NCOA2: variants seen among roughly 807,000 people sequenced by gnomAD.
NCOA2 encodes nuclear receptor coactivator 2, also known as class E basic helix-loop-helix protein 75.
A neutral mutation model predicts 145.1 loss-of-function variants in NCOA2; 21 were observed. The ratio of observed to expected loss-of-function variants is 0.14; its 90% confidence interval spans 0.10 to 0.21. The LOEUF (loss-of-function observed/expected upper bound fraction) is 0.21. NCOA2 is among the 10% of genes least tolerant of loss of function. The probability of loss-of-function intolerance (pLI) is 1.00; values close to 1 mark genes in which losing one functional copy is unlikely to be tolerated. For missense variants in NCOA2, 1,472 were observed against 1,837.6 expected, an observed-to-expected ratio of 0.80 and a Z score of 3.64; for synonymous variants, 619 against 637.5, an observed-to-expected ratio of 0.97 and a Z score of 0.44.
chr8:70,217,904 A>C (rs1438168043), intron 2 of NCOA2, among the ~76,000 whole-genome samples: 1 of 152,116 alleles, frequency 6.6e-6, no homozygotes, highest in Non-Finnish European at 1.5e-5. Flanking sequence ...TCTGGCCCCC[A>C]GACTTCTAAA....
At chr8:70,321,971 A>C (rs1172211686) in intron 1 of NCOA2, among the ~76,000 whole-genome samples, 1 of 151,732 alleles carries the variant, frequency 6.6e-6, no homozygotes, top group African/African-American at 2.4e-5. Flanking sequence ...TCTACTAAAA[A>C]TACAAAAATT....
chr8:70,413,832 GT>G, the NCOA2 span, among the ~76,000 whole-genome samples: 8 of 152,180 alleles, frequency 5.3e-5, no homozygotes, highest in East Asian at 1.4e-3. Context: ...TGGGTTGTTT[GT>G]TTTGTTTTGT....
rs566136502 is a variant in NCOA2, at chr8:70,121,573, G to A, written c.4294-182C>T. ...TGTACGTATTTTGCGGAGTCTAGAGGAACATGAAAATACTCATGAAATACT... is the reference window on the plus strand; with the variant it reads ...TGTACGTATTTTGCGGAGTCTAGAGAAACATGAAAATACTCATGAAATACT... On this transcript the variant is annotated intron_variant, in intron 21 of 22. Coordinates refer to ENST00000452400, the MANE Select transcript of NCOA2 (RefSeq NM_006540.4). Among the ~76,000 whole-genome samples, 7 of 152,322 alleles carry A rather than the reference G, an allele frequency of 4.6e-5. No homozygotes were observed. The East Asian group carries it at 1.3e-3, about 29-fold the overall frequency.
chr8:70,136,704 A>C (rs1809777330), intron 15 of NCOA2, among the ~76,000 whole-genome samples: 2 of 152,184 alleles, frequency 1.3e-5, no homozygotes, highest in African/African-American at 4.8e-5. Context: ...ACGTTAAAAA[A>C]CCTGGTTCCT....
At chr8:70,292,345 G>C (rs1563730745) in intron 2 of NCOA2, among the ~76,000 whole-genome samples, 3 of 151,886 alleles carry the variant, frequency 2.0e-5, no homozygotes, top group Non-Finnish European at 4.4e-5. Context: ...TAGAGATGGG[G>C]TTTCACCATG....
intron 1 of NCOA2, among the ~76,000 whole-genome samples, chr8:70,330,729 A>G (rs563508291): frequency 2.8e-4 from 43 of 152,362 alleles, no homozygotes; most frequent in African/African-American, 1.0e-3. Flanking sequence ...CAAGTTAACA[A>G]AAAGTAACGT....
chr8:70,317,510 G>T lies in NCOA2; in HGVS notation c.-76-20710C>A, dbSNP rs73684275. Among the ~76,000 whole-genome samples the T allele has an allele frequency of 1.4e-3, 211 of 152,228 alleles. 2 individuals are homozygous for T. Among genetic ancestry groups the T allele is most frequent in the African/African-American group, 4.9e-3 (204 of 41,538 alleles). ...AGATCCAATATTCAACATAAAAAATGAGATCCTTAATTTCTAAAGAACTAA... is the reference window on the plus strand; with the variant it reads ...AGATCCAATATTCAACATAAAAAATTAGATCCTTAATTTCTAAAGAACTAA... On this transcript the variant is annotated intron_variant, in intron 1 of 22. Transcript: ENST00000452400.
At position 70,314,239 on chromosome 8, in the gene NCOA2, A is replaced by G. The variant is rs563230872; in HGVS notation, c.-76-17439T>C. The stretch of plus-strand genomic sequence containing the variant: ...TGTCATGTCCACAAATAAATGAGTA[A>G]GTCATATTTTAAAATAAAGTACAGA... On this transcript the variant is annotated intron_variant, in intron 1 of 22. Transcript: ENST00000452400. Among the ~76,000 whole-genome samples, 51 of 150,856 alleles carry G rather than the reference A, an allele frequency of 3.4e-4. No individual in the cohort carries two copies. The South Asian group carries it at 6.7e-3, about 20-fold the overall frequency.
At chr8:70,207,987 C>T (rs938367526) in intron 4 of NCOA2, among the ~76,000 whole-genome samples, 6 of 151,674 alleles carry the variant, frequency 4.0e-5, no homozygotes, top group African/African-American at 1.5e-4. Flanking sequence ...CGTGGTGACT[C>T]ATGCCTATAA....
chr8:70,226,580 G>T (rs1395212000), intron 2 of NCOA2, among the ~76,000 whole-genome samples: 1 of 151,238 alleles, frequency 6.6e-6, no homozygotes, highest in Non-Finnish European at 1.5e-5. Context: ...ATTTTCTTTG[G>T]TAAACCAAAG....
At chr8:70,212,065 G>GTGTATATATATATATATATATATA in intron 4 of NCOA2, among the ~76,000 whole-genome samples, 1 of 60,916 alleles carries the variant, frequency 1.6e-5, no homozygotes, top group African/African-American at 7.7e-5. Context: ...TCTTTGTGGC[G>GTGTATATATATATATATATATATA]CATATATATA....
At chr8:70,195,338 G>A (rs1006169670) in intron 4 of NCOA2, among the ~76,000 whole-genome samples, 1 of 152,190 alleles carries the variant, frequency 6.6e-6, no homozygotes, top group Admixed American at 6.5e-5. Context: ...GAAAAGAGCT[G>A]TAAACACTAG....
At chr8:70,443,564 GTAAAATTTTGTTTAGAGACAAA>G in the NCOA2 span, among the ~76,000 whole-genome samples, 1 of 151,968 alleles carries the variant, frequency 6.6e-6, no homozygotes, top group South Asian at 2.1e-4. Flanking sequence ...CTATCTGTCT[GTAAAATTTTGTTTAGAGACAAA>G]GTCTTACTCT....
intron 1 of NCOA2, among the ~76,000 whole-genome samples, chr8:70,403,337 T>C (rs1005630436): frequency 6.7e-6 from 1 of 150,320 alleles, no homozygotes; most frequent in African/African-American, 2.4e-5. Flanking sequence ...CGCTCACCTC[T>C]CGCCCGCGCC....
intron 2 of NCOA2, among the ~76,000 whole-genome samples, chr8:70,232,870 TACAC>T (rs71275059): frequency 5.5e-5 from 8 of 145,338 alleles, no homozygotes; most frequent in African/African-American, 2.1e-4. Context: ...ATTTAGAATT[TACAC>T]ACACACACAC....
intron 1 of NCOA2, among the ~76,000 whole-genome samples, chr8:70,298,254 C>T (rs1827228928): frequency 6.6e-6 from 1 of 152,134 alleles, no homozygotes; most frequent in East Asian, 1.9e-4. Flanking sequence ...TTTTCTTGGA[C>T]ACTAGAAACA....
At chr8:70,373,554 T>C (rs1246279236) in intron 1 of NCOA2, among the ~76,000 whole-genome samples, 2 of 152,218 alleles carry the variant, frequency 1.3e-5, no homozygotes, top group East Asian at 3.8e-4. Context: ...TTTTATAAAA[T>C]CTAATTTATC....
chr8:70,148,155 A>T, intron 12 of NCOA2, 118 bp downstream of exon 12: 1 of 943,828 alleles, frequency 1.1e-6, no homozygotes, highest in Non-Finnish European at 1.7e-6. Context: ...AGATGGTGCT[A>T]TTTGATCACA....
At chr8:70,289,809 T>A (rs1035023366) in intron 2 of NCOA2, among the ~76,000 whole-genome samples, 36 of 152,080 alleles carry the variant, frequency 2.4e-4, no homozygotes, top group Non-Finnish European at 3.5e-4. Context: ...TACTTGGCCA[T>A]TATTAAGTGC....
Sources: allele counts gnomAD v4.1 joint callset (sites outside exome capture counted in the v4.1 genomes callset), GRCh38; gene constraint gnomAD v4.1.1; transcripts MANE v1.5; gene names NCBI Gene and HGNC (gene_info 2026-07-23, HGNC 2026-07-21).